Variants in IL1RAPL1 observed in about 807,000 individuals in gnomAD.
IL1RAPL1 encodes interleukin 1 receptor accessory protein like 1.
IL1RAPL1 carries 3 observed loss-of-function variants against 48.4 expected under a neutral mutation model. That is an observed-to-expected ratio of 0.06 (90% CI 0.03 to 0.16). The LOEUF (loss-of-function observed/expected upper bound fraction) is 0.16. Ranked by LOEUF, IL1RAPL1 falls within the 10% of genes least tolerant of loss-of-function variation. The probability of loss-of-function intolerance (pLI) is 1.00; values close to 1 mark genes in which losing one functional copy is unlikely to be tolerated. For missense variants in IL1RAPL1, 349 were observed against 530.6 expected, an observed-to-expected ratio of 0.66 and a Z score of 3.36; for synonymous variants, 185 against 187.7, an observed-to-expected ratio of 0.99 and a Z score of 0.12.
At chrX:28,706,361 T>C (rs1340761356) in intron 1 of IL1RAPL1, among the ~76,000 whole-genome samples, 3 of 112,009 alleles carry the variant, frequency 2.7e-5, no homozygotes, top group African/African-American at 9.7e-5. Flanking sequence ...GTTCACACAA[T>C]GAAATTGTCT....
chrX:29,458,042 A>G (rs999901784), intron 5 of IL1RAPL1, among the ~76,000 whole-genome samples: 4 of 111,740 alleles, frequency 3.6e-5, no homozygotes, highest in Non-Finnish European at 5.6e-5. Flanking sequence ...AGCCTCCCCA[A>G]AGTACTGGGA....
intron 2 of IL1RAPL1, among the ~76,000 whole-genome samples, chrX:29,262,078 TG>T (rs1159546202): frequency 9.0e-6 from 1 of 111,426 alleles, no homozygotes; most frequent in East Asian, 2.8e-4. Flanking sequence ...GGCTCTGAAA[TG>T]TATTAACTGC....
chrX:29,218,307 G>A (rs1303376534), intron 2 of IL1RAPL1, among the ~76,000 whole-genome samples: 1 of 111,654 alleles, frequency 9.0e-6, no homozygotes, highest in Non-Finnish European at 1.9e-5. Flanking sequence ...AAATGACCAT[G>A]CTAGCTATTT....
At chrX:28,597,186 G>A (rs188703625) in intron 1 of IL1RAPL1, among the ~76,000 whole-genome samples, 7 of 111,445 alleles carry the variant, frequency 6.3e-5, no homozygotes, top group Non-Finnish European at 1.1e-4. Flanking sequence ...TGTCTGGCAA[G>A]CAGGAGCCAA....
intron 2 of IL1RAPL1, among the ~76,000 whole-genome samples, chrX:29,248,673 G>T (rs1242495961): frequency 1.8e-5 from 2 of 112,003 alleles, no homozygotes; most frequent in Non-Finnish European, 3.8e-5. Flanking sequence ...TTAAAAAATG[G>T]TATAGAGAAT....
chrX:29,386,117 C>A (rs1422710464), intron 3 of IL1RAPL1, among the ~76,000 whole-genome samples: 1 of 111,844 alleles, frequency 8.9e-6, no homozygotes, highest in Non-Finnish European at 1.9e-5. Flanking sequence ...GCAACCTCCG[C>A]CTCCTGGGTT....
At chrX:28,633,944 G>T (rs897791041) in intron 1 of IL1RAPL1, among the ~76,000 whole-genome samples, 1 of 111,384 alleles carries the variant, frequency 9.0e-6, no homozygotes, top group East Asian at 2.8e-4. Flanking sequence ...TGATAAAAAA[G>T]TTCCCAACAC....
intron 2 of IL1RAPL1, among the ~76,000 whole-genome samples, chrX:29,202,179 A>G (rs1429085524): frequency 8.9e-6 from 1 of 112,186 alleles, no homozygotes; most frequent in Non-Finnish European, 1.9e-5. Flanking sequence ...GAATTGAACA[A>G]TCCTATAAAA....
At chrX:29,725,367 T>C (rs1298194288) in intron 6 of IL1RAPL1, among the ~76,000 whole-genome samples, 3 of 111,336 alleles carry the variant, frequency 2.7e-5, no homozygotes, top group African/African-American at 9.8e-5. Flanking sequence ...GGATGCTTCC[T>C]AAGCCCTCAT....
intron 2 of IL1RAPL1, among the ~76,000 whole-genome samples, chrX:28,927,217 C>T (rs1326896468): frequency 1.8e-5 from 2 of 111,633 alleles, no homozygotes; most frequent in African/African-American, 6.5e-5. Flanking sequence ...CTTGGCCTGC[C>T]TTTCAGTTTT....
intron 2 of IL1RAPL1, among the ~76,000 whole-genome samples, chrX:28,915,784 A>T (rs1282760966): frequency 5.4e-5 from 6 of 111,542 alleles, no homozygotes. Context: ...TGAATAAATT[A>T]CAATTCAACA....
chrX:29,076,485 A>C (rs1927672426), intron 2 of IL1RAPL1, among the ~76,000 whole-genome samples: 1 of 111,774 alleles, frequency 8.9e-6, no homozygotes, highest in Non-Finnish European at 1.9e-5. Flanking sequence ...GGCAACTTCT[A>C]TGTATTTCAG....
chrX:28,603,375 C>T (rs139173108), intron 1 of IL1RAPL1, among the ~76,000 whole-genome samples: 108 of 111,750 alleles, frequency 9.7e-4, no homozygotes, highest in African/African-American at 3.3e-3. Context: ...CAGCAACTCC[C>T]ACTTCGTTTG....
intron 3 of IL1RAPL1, among the ~76,000 whole-genome samples, chrX:29,360,920 T>G (rs1051752493): frequency 2.7e-5 from 3 of 112,171 alleles, no homozygotes; most frequent in African/African-American, 9.7e-5. Context: ...GATACATCTT[T>G]CTTCCTAAAA....
At chrX:29,667,984 A>G (rs1450693706) in intron 5 of IL1RAPL1, among the ~76,000 whole-genome samples, 2 of 111,756 alleles carry the variant, frequency 1.8e-5, no homozygotes, top group Non-Finnish European at 3.8e-5. Flanking sequence ...GATCTAGGAT[A>G]TGGAAACTAG....
At chrX:29,556,981 A>G (rs1416353394) in intron 5 of IL1RAPL1, among the ~76,000 whole-genome samples, 1 of 111,683 alleles carries the variant, frequency 9.0e-6, no homozygotes, top group Non-Finnish European at 1.9e-5. Flanking sequence ...TTTTTGATTT[A>G]GGATTGAATA....
intron 5 of IL1RAPL1, among the ~76,000 whole-genome samples, chrX:29,562,034 TTCTATCTA>T (rs61324448): frequency 0.22 from 20,360 of 92,947 alleles, 2,167 homozygotes; most frequent in Middle Eastern, 0.3. Flanking sequence ...TCTTTTTCAA[TTCTATCTA>T]TCTATCTATC....
chrX:28,933,781 A>G (rs1408158541), intron 2 of IL1RAPL1, among the ~76,000 whole-genome samples: 1 of 111,508 alleles, frequency 9.0e-6, no homozygotes, highest in Non-Finnish European at 1.9e-5. Flanking sequence ...TGCTAAATAA[A>G]GGGTGGATTA....
intron 2 of IL1RAPL1, among the ~76,000 whole-genome samples, chrX:29,257,145 C>A (rs1271991362): frequency 9.0e-6 from 1 of 111,235 alleles, no homozygotes; most frequent in Non-Finnish European, 1.9e-5. Context: ...AAATAGTGAG[C>A]CAAACACATT....
Sources: allele counts gnomAD v4.1 joint callset (sites outside exome capture counted in the v4.1 genomes callset), GRCh38; gene constraint gnomAD v4.1.1; transcripts MANE v1.5; gene names NCBI Gene and HGNC (gene_info 2026-07-23, HGNC 2026-07-21).